The following SH3PXD2A variants were observed in gnomAD, a reference collection of about 807,000 sequenced individuals.
The protein encoded by SH3PXD2A is SH3 and PX domain-containing protein 2A.
In SH3PXD2A, 32 loss-of-function variants were observed where a neutral mutation model predicts 115.2. The observed-to-expected ratio is 0.28, with a 90% CI of 0.21 to 0.37. The LOEUF (loss-of-function observed/expected upper bound fraction) is 0.37. Ranked by LOEUF, SH3PXD2A falls within the 10% of genes least tolerant of loss-of-function variation. The probability of loss-of-function intolerance (pLI) is 1.00; values close to 1 mark genes in which losing one functional copy is unlikely to be tolerated. For synonymous variants in SH3PXD2A, 610 were observed against 629.1 expected (o/e 0.97, Z 0.45); for missense variants, 1,328 against 1,498.7 (o/e 0.89, Z 1.88).
intron 1 of SH3PXD2A, among the ~76,000 whole-genome samples, chr10:103,828,167 C>A (rs926594442): frequency 6.6e-6 from 1 of 152,138 alleles, no homozygotes; most frequent in African/African-American, 2.4e-5. Flanking sequence ...GGGTAGGTAG[C>A]CAGACTCTAG....
intron 6 of SH3PXD2A, among the ~76,000 whole-genome samples, chr10:103,676,941 C>T (rs1265248737): frequency 1.3e-5 from 2 of 152,128 alleles, no homozygotes; most frequent in East Asian, 1.9e-4. Context: ...CCCAGAAGCC[C>T]GAGCCAAAGC....
chr10:103,602,320 C>T lies in SH3PXD2A; in HGVS notation c.2898G>A (p.Val966=), dbSNP rs148337046. 609 of 1,613,726 alleles carry T rather than the reference C, an allele frequency of 3.8e-4. 2 individuals are homozygous for T. The highest frequency in any genetic ancestry group is 2.6e-4 in the Non-Finnish European group (304 of 1,179,934). The change falls in exon 15 of 15, where the codon GTG becomes GTA. Residue 966 remains valine, a synonymous_variant. Coordinates refer to ENST00000369774, the MANE Select transcript of SH3PXD2A (RefSeq NM_001394015.1). ...GFGKTSGTPA[V]KMRNGVRQVA... is the part of the protein sequence containing the mutation. ...CCTGCCGCACTCCGTTCCTCATCTTCACCGCTGGAGTGCCTGAGGTCTTGC... is the reference window on the plus strand; with the variant it reads ...CCTGCCGCACTCCGTTCCTCATCTTTACCGCTGGAGTGCCTGAGGTCTTGC...
At chr10:103,677,134 C>T (rs552534906) in intron 6 of SH3PXD2A, among the ~76,000 whole-genome samples, 153 of 152,344 alleles carry the variant, frequency 1.0e-3, no homozygotes, top group South Asian at 6.6e-3. Context: ...TTCCCCTCCC[C>T]GGACAACAAA....
intron 7 of SH3PXD2A, among the ~76,000 whole-genome samples, chr10:103,661,433 CTGCGA>C (rs2037299809): frequency 6.6e-6 from 1 of 152,202 alleles, no homozygotes; most frequent in African/African-American, 2.4e-5. Flanking sequence ...AAGCCTTGTG[CTGCGA>C]TGAGTTAGTC....
chr10:103,703,343 G>A (rs1010032300), intron 5 of SH3PXD2A, among the ~76,000 whole-genome samples: 11 of 152,218 alleles, frequency 7.2e-5, no homozygotes, highest in South Asian at 2.1e-4. Context: ...AGGCAGCTGC[G>A]TTAGCCCCAT....
chr10:103,719,721 CTTTTTT>C (rs11438501), intron 5 of SH3PXD2A, among the ~76,000 whole-genome samples: 3 of 114,720 alleles, frequency 2.6e-5, no homozygotes, highest in Admixed American at 9.7e-5. Flanking sequence ...TTTTTTCTTT[CTTTTTT>C]TTTTTTTTTT....
intron 8 of SH3PXD2A, among the ~76,000 whole-genome samples, chr10:103,630,999 AT>A (rs928420097): frequency 8.6e-5 from 13 of 152,002 alleles, no homozygotes; most frequent in Admixed American, 8.5e-4. Context: ...TTATATATAC[AT>A]TTTTTTCCTA....
At chr10:103,697,263 G>A (rs1236539941) in intron 5 of SH3PXD2A, among the ~76,000 whole-genome samples, 1 of 152,138 alleles carries the variant, frequency 6.6e-6, no homozygotes. Flanking sequence ...TGTACAGTGT[G>A]TAGAAAGGGC....
chr10:103,601,817 T>A lies in SH3PXD2A; in HGVS notation c.3401A>T (p.Ter1134LeuextTer21). ...VPSNYLEKKN[*>L] ...GGCTGGAAGAGCCCAGGCCCTCTGC[T>A]AGTTCTTTTTCTCAAGGTAGTTGGA... The change falls in exon 15 of 15, where the codon TAG becomes TTG. Residue 1134 changes from the stop codon to leucine (L), a stop_lost. Transcript: ENST00000369774. 2 of 1,591,304 alleles carry A rather than the reference T, an allele frequency of 1.3e-6. No homozygotes were observed. Among genetic ancestry groups the A allele is most frequent in the Non-Finnish European group, 1.7e-6 (2 of 1,168,232 alleles).
In SH3PXD2A at chr10:103,627,219, A is replaced by C; in HGVS notation, c.605-17T>G. The C allele has an allele frequency of 6.7e-7, 1 of 1,483,020 alleles. No individual in the cohort carries two copies. Among genetic ancestry groups the C allele is most frequent in the Non-Finnish European group, 9.4e-7 (1 of 1,061,104 alleles). The allele number at this position is 1,483,020 out of a possible 1,614,324, so 91.9% of individuals were successfully genotyped here. On this transcript the variant is annotated splice_polypyrimidine_tract_variant and intron_variant, in intron 8 of 14. Transcript: ENST00000369774. This position sits in a 1 kb window ranked among gnomAD's most constrained non-coding sequence, Gnocchi z 4.4. ...ACCACCAGCCTGCAGGGAGGACAAGAGAGAACAGGACTGTGAGATTCTGCA... is the reference window on the plus strand; with the variant it reads ...ACCACCAGCCTGCAGGGAGGACAAGCGAGAACAGGACTGTGAGATTCTGCA...
At position 103,602,417 on chromosome 10, in the gene SH3PXD2A, T is replaced by C. The variant is rs1031587899; in HGVS notation, c.2801A>G (p.Gln934Arg). Reference protein sequence around the residue: ...DSLEKIERRVQALNTVNQSKK... With the variant: ...DSLEKIERRVRALNTVNQSKK... ...GCTCTGGTTGACGGTGTTCAGTGCT[T>C]GGACGCGCCTCTCGATCTTCTCCAG... is the stretch of plus-strand genomic sequence containing the variant. The change falls in exon 15 of 15, where the codon CAA (glutamine) becomes CGA (arginine). Residue 934 changes from glutamine (Q) to arginine (R), a missense_variant. By Grantham distance (43) the Gln-to-Arg change is conservative. This residue lies in a region of SH3PXD2A where 574 missense variants were observed against 565.7 expected (regional missense o/e 1.01). Transcript: ENST00000369774. The C allele has an allele frequency of 1.3e-5, 21 of 1,614,116 alleles. No individual in the cohort carries two copies. Among genetic ancestry groups the C allele is most frequent in the Non-Finnish European group, 1.8e-5 (21 of 1,180,022 alleles).
At chr10:103,701,397 TCCATCCATCCA>T (rs2037901255) in intron 5 of SH3PXD2A, among the ~76,000 whole-genome samples, 1 of 140,364 alleles carries the variant, frequency 7.1e-6, no homozygotes, top group South Asian at 2.5e-4. Flanking sequence ...CCATCCATCA[TCCATCCATCCA>T]CCATCCATCC....
chr10:103,785,630 G>C (rs2038973307), intron 2 of SH3PXD2A, among the ~76,000 whole-genome samples: 1 of 152,142 alleles, frequency 6.6e-6, no homozygotes, highest in South Asian at 2.1e-4. Flanking sequence ...TGCCAAGACT[G>C]CCGCCTGATT....
intron 6 of SH3PXD2A, among the ~76,000 whole-genome samples, chr10:103,672,332 T>C (rs2037474868): frequency 6.6e-6 from 1 of 152,208 alleles, no homozygotes; most frequent in Non-Finnish European, 1.5e-5. Flanking sequence ...TCTGTACAGT[T>C]AAGCATTTGG....
chr10:103,810,351 C>T lies in SH3PXD2A; in HGVS notation c.73-8989G>A, dbSNP rs116789606. Among the ~76,000 whole-genome samples, 241 of 152,330 alleles carry T rather than the reference C, an allele frequency of 1.6e-3. 1 individual carries two copies. Among genetic ancestry groups the T allele is most frequent in the African/African-American group, 5.5e-3 (227 of 41,578 alleles). On this transcript the variant is annotated intron_variant, in intron 1 of 14. Transcript: ENST00000369774. ...TGAGGCAAAGCATCCAACCTCCAGG[C>T]CCTCACAGCCCAGCAGGGGCAGTGG... is the stretch of plus-strand genomic sequence containing the variant.
intron 8 of SH3PXD2A, among the ~76,000 whole-genome samples, chr10:103,639,435 C>T (rs964394380): frequency 2.6e-5 from 4 of 151,834 alleles, no homozygotes; most frequent in African/African-American, 4.8e-5. Context: ...CATGGTGAAA[C>T]CCTGTCTCTA....
At chr10:103,835,772 C>T (rs1360854251) in intron 1 of SH3PXD2A, among the ~76,000 whole-genome samples, 1 of 152,190 alleles carries the variant, frequency 6.6e-6, no homozygotes, top group Non-Finnish European at 1.5e-5. Context: ...CCTCACAGCA[C>T]ACCTGCACCA....
intron 3 of SH3PXD2A, among the ~76,000 whole-genome samples, chr10:103,748,459 C>T (rs137898532): frequency 1.5e-3 from 226 of 152,314 alleles, no homozygotes; most frequent in Middle Eastern, 3.4e-3. Context: ...AGGGGCAACA[C>T]GCAACACCCA....
chr10:103,766,080 A>G (rs1384508008), intron 3 of SH3PXD2A, among the ~76,000 whole-genome samples: 2 of 152,226 alleles, frequency 1.3e-5, no homozygotes, highest in Admixed American at 1.3e-4. Flanking sequence ...GGATGGAGGA[A>G]TGCAGGAGAA....
Sources: allele counts gnomAD v4.1 joint callset (sites outside exome capture counted in the v4.1 genomes callset), GRCh38; gene constraint gnomAD v4.1.1; regional missense constraint gnomAD v4.1.1; non-coding constraint Gnocchi (gnomAD v3.1); transcripts MANE v1.5; gene names NCBI Gene and HGNC (gene_info 2026-07-23, HGNC 2026-07-21).